FA2H: variants seen among roughly 807,000 people sequenced by gnomAD.
FA2H encodes fatty acid 2-hydroxylase.
In FA2H, 22 loss-of-function variants were observed where a neutral mutation model predicts 44.9. The observed-to-expected ratio is 0.49, with a 90% CI of 0.35 to 0.70. The LOEUF is 0.70. FA2H is among the 30% of genes least tolerant of loss of function. The pLI is 0.01. For synonymous variants in FA2H, 243 were observed against 213.2 expected (o/e 1.14, Z -1.22); for missense variants, 501 against 504.9 (o/e 0.99, Z 0.07).
intron 5 of FA2H, chr16:74,717,048 A>G (rs76223019): frequency 0.068 from 11,914 of 174,744 alleles, 872 homozygotes; most frequent in African/African-American, 0.2. Flanking sequence ...CACTGAGGGC[A>G]ACTGAGGTTA....
rs1961948760 is a variant in FA2H, at chr16:74,726,173, G to A, written c.613+52C>T. 3 of 1,259,464 alleles carry A rather than the reference G, an allele frequency of 2.4e-6. No homozygotes were observed. In the South Asian group the frequency reaches 3.7e-5, roughly 15 times the overall value. 78.0% of individuals were successfully genotyped at this position (1,259,464 alleles called of 1,614,324 possible). A position where few individuals can be genotyped will look rare whatever the true frequency, so the allele number is the denominator to read the frequency against. ...ACTCTGGGCCAGGGAAAGCACTGAG[G>A]TCTCCTCCCTCTAGGATCCTCAGGG... is the stretch of plus-strand genomic sequence containing the variant. On this transcript the variant is annotated intron_variant, in intron 4 of 6. Transcript: ENST00000219368.
chr16:74,725,409 G>C (rs1265318740), intron 4 of FA2H, among the ~76,000 whole-genome samples: 2 of 152,200 alleles, frequency 1.3e-5, no homozygotes, highest in Non-Finnish European at 2.9e-5. Flanking sequence ...TTGTGGGGCT[G>C]GCTGTCCCAG....
At position 74,713,104 on chromosome 16, in the gene FA2H, C is replaced by G. The variant is rs1961613843; in HGVS notation, c.*1086G>C. 1.3e-5 allele frequency: 2 copies of G among 152,672 alleles called. No homozygotes were observed. The highest frequency in any genetic ancestry group is 4.8e-5 in the African/African-American group (2 of 41,460). 9.5% of individuals were successfully genotyped at this position (152,672 alleles called of 1,614,324 possible). On this transcript the variant is annotated 3_prime_UTR_variant, in exon 7 of 7. Coordinates refer to ENST00000219368, the MANE Select transcript of FA2H (RefSeq NM_024306.5). Reference sequence around the variant, plus strand: ...TCACAAGGTCCGTCAAACTGCTTCTCTTTAGCCTTTACACTTGGCGAGTTT... The same window carrying G: ...TCACAAGGTCCGTCAAACTGCTTCTGTTTAGCCTTTACACTTGGCGAGTTT...
At chr16:74,742,695 T>G (rs1182761966) in intron 1 of FA2H, among the ~76,000 whole-genome samples, 1 of 151,832 alleles carries the variant, frequency 6.6e-6, no homozygotes, top group Non-Finnish European at 1.5e-5. Flanking sequence ...AAAAGCCAGG[T>G]GTGGTGGTAG....
intron 4 of FA2H, among the ~76,000 whole-genome samples, chr16:74,720,475 T>G (rs974531784): frequency 6.6e-6 from 1 of 151,992 alleles, no homozygotes; most frequent in Non-Finnish European, 1.5e-5. Context: ...GGATTACAGA[T>G]ATGAGCCACC....
At chr16:74,769,256 C>T (rs555582925) in intron 1 of FA2H, among the ~76,000 whole-genome samples, 33 of 152,146 alleles carry the variant, frequency 2.2e-4, no homozygotes, top group African/African-American at 7.5e-4. Flanking sequence ...CCATGCCTGG[C>T]TAATTTTTGT....
In FA2H at chr16:74,726,248, C is replaced by T. The variant is rs771625273; in HGVS notation, c.590G>A (p.Arg197Gln). ...YYRTFAQGNV[R>Q]LFTSFTTEYT... ...ACCTGTTGTAAATGACGTGAAGAGT[C>T]GGACGTTGCCCTGGGCAAAGGTTCG... The change falls in exon 4 of 7, where the codon CGA becomes CAA. Residue 197 changes from arginine (R) to glutamine (Q), a missense_variant. Arg to Gln is a conservative substitution (Grantham distance 43). Transcript: ENST00000219368. 8 of 1,613,498 alleles carry T rather than the reference C, an allele frequency of 5.0e-6. 1 individual carries two copies. The highest frequency in any genetic ancestry group is 3.3e-5 in the South Asian group (3 of 91,032).
intron 1 of FA2H, 139 bp from the exon 2 acceptor site, chr16:74,740,254 G>A: frequency 1.4e-6 from 1 of 728,722 alleles, no homozygotes; most frequent in Non-Finnish European, 2.5e-6. Flanking sequence ...AAGGACGCTG[G>A]GTACTTTGGA....
chr16:74,763,843 G>C (rs1194963372), intron 1 of FA2H, among the ~76,000 whole-genome samples: 1 of 152,198 alleles, frequency 6.6e-6, no homozygotes, highest in Non-Finnish European at 1.5e-5. Context: ...TAGTTTTACT[G>C]TAACAGGATT....
At chr16:74,733,125 C>G (rs757458932) in intron 2 of FA2H, among the ~76,000 whole-genome samples, 1 of 152,216 alleles carries the variant, frequency 6.6e-6, no homozygotes, top group Non-Finnish European at 1.5e-5. Flanking sequence ...TGTGTCTCCA[C>G]GAGGAAGCCC....
chr16:74,764,303 G>T (rs1407881622), intron 1 of FA2H, among the ~76,000 whole-genome samples: 4 of 152,144 alleles, frequency 2.6e-5, no homozygotes, highest in Non-Finnish European at 5.9e-5. Flanking sequence ...CAACAGCAAA[G>T]ACATGAAATC....
intron 1 of FA2H, among the ~76,000 whole-genome samples, chr16:74,763,676 G>A (rs1962755058): frequency 6.6e-6 from 1 of 152,018 alleles, no homozygotes; most frequent in South Asian, 2.1e-4. Flanking sequence ...GTCCTACTGG[G>A]CACAAGAGAA....
intron 2 of FA2H, among the ~76,000 whole-genome samples, chr16:74,728,789 T>C (rs912947894): frequency 2.1e-5 from 3 of 141,722 alleles, no homozygotes; most frequent in African/African-American, 7.8e-5. Context: ...TCTTTTTTTT[T>C]TTTTTTTTTT....
intron 1 of FA2H, among the ~76,000 whole-genome samples, chr16:74,753,354 C>T (rs867036368): frequency 5.9e-5 from 9 of 152,306 alleles, no homozygotes; most frequent in African/African-American, 1.7e-4. Context: ...CCAAACGCTA[C>T]GCACCACGAC....
intron 2 of FA2H, among the ~76,000 whole-genome samples, 166 bp downstream of exon 2, chr16:74,739,857 T>C (rs1962257034): frequency 6.6e-6 from 1 of 152,164 alleles, no homozygotes; most frequent in Non-Finnish European, 1.5e-5. Flanking sequence ...CTGCCGGAGT[T>C]TGCTGTCCCA....
At chr16:74,727,861 G>T (rs1009610788) in intron 2 of FA2H, among the ~76,000 whole-genome samples, 3 of 152,200 alleles carry the variant, frequency 2.0e-5, no homozygotes, top group Non-Finnish European at 4.4e-5. Flanking sequence ...AATGAAGTGG[G>T]CTCTTTTCCC....
intron 1 of FA2H, 93 bp from the exon 2 acceptor site, chr16:74,740,208 T>A: frequency 9.9e-7 from 1 of 1,008,814 alleles, no homozygotes; most frequent in Non-Finnish European, 1.6e-6. Context: ...CCAGGAGTGG[T>A]GAGAGCCCCG....
intron 1 of FA2H, among the ~76,000 whole-genome samples, chr16:74,765,024 G>A (rs768806624): frequency 2.6e-5 from 4 of 152,206 alleles, no homozygotes; most frequent in Non-Finnish European, 5.9e-5. Flanking sequence ...TGCTAAGGGA[G>A]AGGTTTTGCT....
At chr16:74,747,648 C>A (rs1962450625) in intron 1 of FA2H, among the ~76,000 whole-genome samples, 1 of 152,076 alleles carries the variant, frequency 6.6e-6, no homozygotes. Flanking sequence ...GAGATGGGAG[C>A]AATGCCTCTC....
Sources: gnomAD v4.1 joint callset for allele counts (sites outside exome capture counted in the v4.1 genomes callset) on GRCh38, gnomAD v4.1.1 for gene constraint, MANE v1.5 for transcripts, NCBI Gene and HGNC (gene_info 2026-07-23, HGNC 2026-07-21) for gene names.